Variants in DMD observed in about 807,000 individuals in gnomAD.
DMD encodes mutant dystrophin.
DMD carries 63 observed loss-of-function variants against 330.1 expected under a neutral mutation model. That is an observed-to-expected ratio of 0.19 (90% confidence interval 0.16 to 0.24). The LOEUF (loss-of-function observed/expected upper bound fraction) is 0.24, where lower values mean the gene tolerates loss of function less well. DMD is among the 10% of genes least tolerant of loss of function. The pLI is 1.00. For synonymous variants in DMD, 1,223 were observed against 959.8 expected, an observed-to-expected ratio of 1.27 and a Z score of -5.07; for missense variants, 3,344 against 2,684.1, an observed-to-expected ratio of 1.25 and a Z score of -5.43.
At position 33,220,774 on chromosome X, in the gene DMD, TA is replaced by T. The variant is rs1489628074; in HGVS notation, c.7+118484del. Among the ~76,000 whole-genome samples the T allele has an allele frequency of 1.1e-3, 121 of 111,885 alleles. 1 individual carries two copies. The highest frequency in any genetic ancestry group is 1.9e-3 in the Non-Finnish European group (101 of 53,148). ...TTGTTTAAATTTACTTTATGAAGAT[TA>T]TTTTTTTTAGCTTCTCCTCACTCCC... is the stretch of plus-strand genomic sequence containing the variant. On this transcript the variant is annotated intron_variant, in intron 1 of 17. Coordinates refer to the DMD transcript ENST00000288447.
chrX:32,984,878 G>C (rs2092804430), intron 2 of DMD, among the ~76,000 whole-genome samples: 1 of 111,405 alleles, frequency 9.0e-6, no homozygotes, highest in South Asian at 3.8e-4. Context: ...CATGGATAAA[G>C]AAATATCCTT....
At chrX:31,815,104 A>G (rs1171354067) in intron 50 of DMD, among the ~76,000 whole-genome samples, 1 of 112,323 alleles carries the variant, frequency 8.9e-6, no homozygotes, top group Non-Finnish European at 1.9e-5. Flanking sequence ...TGTCTGTGGT[A>G]GTAGTTCTCA....
At chrX:31,940,223 A>T (rs2094976607) in intron 45 of DMD, among the ~76,000 whole-genome samples, 1 of 112,026 alleles carries the variant, frequency 8.9e-6, no homozygotes, top group South Asian at 3.7e-4. Flanking sequence ...GATTTTATAA[A>T]GGGTGATCAT....
chrX:32,343,168 C>A lies in DMD; in HGVS notation c.5705G>T (p.Ser1902Ile), dbSNP rs756718738. The A allele has an allele frequency of 8.3e-7, 1 of 1,210,786 alleles. No homozygotes were observed. The highest frequency in any genetic ancestry group is 1.1e-6 in the Non-Finnish European group (1 of 894,963). The stretch of plus-strand genomic sequence containing the variant: ...CCTTTCATCTCTGGGCTCAGGTAGG[C>A]TGGCTAATTTTTTTTCAATGTCATC... ...CLDDIEKKLA[S>I]LPEPRDERKI... Residue 1902 changes from serine (S) to isoleucine (I), a missense_variant, in exon 40 of 79, where the codon AGC becomes ATC. Transcript: ENST00000357033.
At chrX:32,530,967 C>T (rs889535122) in intron 17 of DMD, among the ~76,000 whole-genome samples, 2 of 111,475 alleles carry the variant, frequency 1.8e-5, no homozygotes, top group Non-Finnish European at 3.8e-5. Flanking sequence ...CCAAAAGCTG[C>T]CTATGTCCTT....
chrX:31,124,734 C>A (rs2033381617), intron 78 of DMD, among the ~76,000 whole-genome samples: 1 of 112,112 alleles, frequency 8.9e-6, no homozygotes, highest in African/African-American at 3.2e-5. Context: ...CACATTTAGT[C>A]TCACACGTCA....
intron 49 of DMD, among the ~76,000 whole-genome samples, chrX:31,829,814 C>T (rs2092979980): frequency 8.9e-6 from 1 of 112,203 alleles, no homozygotes; most frequent in African/African-American, 3.2e-5. Flanking sequence ...TGTATATATA[C>T]AGGCATACAT....
intron 7 of DMD, among the ~76,000 whole-genome samples, chrX:32,764,307 T>A (rs2072696080): frequency 9.0e-6 from 1 of 111,463 alleles, no homozygotes; most frequent in Non-Finnish European, 1.9e-5. Flanking sequence ...GTAAAATATA[T>A]ATAACATAAA....
At chrX:32,138,632 T>C (rs751946575) in intron 44 of DMD, among the ~76,000 whole-genome samples, 4 of 112,221 alleles carry the variant, frequency 3.6e-5, no homozygotes, top group African/African-American at 1.3e-4. Context: ...CTAATAAAGA[T>C]AGATATTGCA....
rs780560105 is a variant in DMD at position 31,819,966 on chromosome X, T to C, written c.7309+9A>G. The C allele has an allele frequency of 8.4e-7, 1 of 1,193,998 alleles. No individual in the cohort carries two copies. The highest frequency in any genetic ancestry group is 1.1e-6 in the Non-Finnish European group (1 of 879,041). On this transcript the variant is annotated intron_variant, in intron 50 of 78. Transcript: ENST00000357033. The stretch of plus-strand genomic sequence containing the variant: ...TAGAGCCAAAGAGAATGGGATCCAG[T>C]ATACTTACAGGCTCCAATAGTGGTC...
chrX:31,208,447 G>T (rs1399688135), intron 65 of DMD, among the ~76,000 whole-genome samples: 1 of 111,901 alleles, frequency 8.9e-6, no homozygotes, highest in African/African-American at 3.2e-5. Flanking sequence ...AGAAAACAGT[G>T]CCAAAATATA....
chrX:33,135,346 C>T (rs779281549), intron 1 of DMD, among the ~76,000 whole-genome samples: 4 of 112,080 alleles, frequency 3.6e-5, no homozygotes, highest in South Asian at 3.7e-4. Flanking sequence ...ACGTCCAACA[C>T]GTGTTATTTA....
intron 62 of DMD, among the ~76,000 whole-genome samples, chrX:31,295,136 C>G (rs1261660927): frequency 9.1e-6 from 1 of 110,135 alleles, no homozygotes; most frequent in Non-Finnish European, 1.9e-5. Context: ...TCTGGGACTA[C>G]AGGCGTCCAC....
chrX:31,967,297 GGTGTGTGTGTGTGTGTGTGTGTGTGTGT>G (rs746437287), intron 45 of DMD, among the ~76,000 whole-genome samples: 20 of 74,588 alleles, frequency 2.7e-4, no homozygotes, highest in East Asian at 9.7e-4. Context: ...TTTGGCAAGG[GGTGTGTGTGTGTGTGTGTGTGTGTGTGT>G]GTGTGTGTGT....
chrX:32,289,961 T>A (rs1158592464), intron 42 of DMD, among the ~76,000 whole-genome samples: 1 of 111,792 alleles, frequency 8.9e-6, no homozygotes, highest in Non-Finnish European at 1.9e-5. Context: ...TTGCTTTTAC[T>A]TTTTTTAAAA....
intron 54 of DMD, among the ~76,000 whole-genome samples, chrX:31,632,310 G>A (rs1294990410): frequency 1.8e-5 from 2 of 111,791 alleles, no homozygotes; most frequent in East Asian, 5.6e-4. Flanking sequence ...TTAGATATAT[G>A]GATGAAAAAT....
At chrX:31,593,119 T>C (rs1032927772) in intron 55 of DMD, among the ~76,000 whole-genome samples, 1 of 111,527 alleles carries the variant, frequency 9.0e-6, no homozygotes, top group African/African-American at 3.2e-5. Context: ...CTCCAGATTT[T>C]ACTCCAGATG....
chrX:31,205,352 G>C (rs1407592948), intron 66 of DMD, among the ~76,000 whole-genome samples: 1 of 111,816 alleles, frequency 8.9e-6, no homozygotes, highest in Non-Finnish European at 1.9e-5. Context: ...ACATACCTAG[G>C]TGTTTATTTT....
chrX:32,036,009 G>A (rs2095942330), intron 44 of DMD, among the ~76,000 whole-genome samples: 1 of 111,671 alleles, frequency 9.0e-6, no homozygotes, highest in African/African-American at 3.3e-5. Flanking sequence ...GAAGGAAAAG[G>A]GAAAGGGAGG....
Sources: gnomAD v4.1 joint callset for allele counts (sites outside exome capture counted in the v4.1 genomes callset) on GRCh38, gnomAD v4.1.1 for gene constraint, MANE v1.5 for transcripts, NCBI Gene and HGNC (gene_info 2026-07-23, HGNC 2026-07-21) for gene names.